Variants in NR3C2 observed in about 807,000 individuals in gnomAD.
The protein encoded by NR3C2 is nuclear receptor subfamily 3 group C member 2.
In NR3C2, 15 loss-of-function variants were observed where a neutral mutation model predicts 86.4. The ratio of observed to expected loss-of-function variants is 0.17; its 90% CI spans 0.12 to 0.27. The LOEUF (loss-of-function observed/expected upper bound fraction) is 0.27, where lower values mean the gene tolerates loss of function less well. NR3C2 is among the 10% of genes least tolerant of loss of function. NR3C2 has a pLI of 1.00. For synonymous variants in NR3C2, 458 were observed against 450.5 expected (o/e 1.02, Z -0.21); for missense variants, 960 against 1,195.6 (o/e 0.80, Z 2.91).
chr4:148,237,136 C>G (rs1452737074), intron 3 of NR3C2, among the ~76,000 whole-genome samples: 1 of 152,264 alleles, frequency 6.6e-6, no homozygotes, highest in African/African-American at 2.4e-5. Context: ...TACAATTCAT[C>G]AAATGAGAAT....
intron 6 of NR3C2, 67 bp downstream of exon 6, chr4:148,152,402 T>C (rs1578944832): frequency 1.3e-6 from 2 of 1,540,592 alleles, no homozygotes. Context: ...GTTTAGAAAT[T>C]ACTGAAAGAA....
At chr4:148,183,786 G>C (rs1263316289) in intron 4 of NR3C2, among the ~76,000 whole-genome samples, 1 of 152,132 alleles carries the variant, frequency 6.6e-6, no homozygotes, top group Non-Finnish European at 1.5e-5. Flanking sequence ...TTTGTGCCCT[G>C]TACTGTTGCA....
chr4:148,331,812 G>A (rs754162380), intron 2 of NR3C2, among the ~76,000 whole-genome samples: 1 of 152,138 alleles, frequency 6.6e-6, no homozygotes, highest in Non-Finnish European at 1.5e-5. Flanking sequence ...CACATACCAA[G>A]TACCATCTCT....
upstream of NR3C2, chr4:148,444,449 C>T: frequency 2.0e-6 from 2 of 986,174 alleles, no homozygotes; most frequent in Middle Eastern, 5.2e-4. Context: ...CGCAACCTGC[C>T]TTGCCCGGGG....
At position 148,435,154 on chromosome 4, in the gene NR3C2, T is replaced by C. The variant is rs1419391449; in HGVS notation, c.1707A>G (p.Arg569=). The part of the protein sequence containing the change: ...SWKSHGDLSS[R]RSDGYPVLEY... Reference sequence around the variant, plus strand: ...CTAAGACCGGATACCCATCACTTCTTCTAGACGACAGGTCGCCGTGTGATT... The same window carrying C: ...CTAAGACCGGATACCCATCACTTCTCCTAGACGACAGGTCGCCGTGTGATT... The change falls in exon 2 of 9, where the codon AGA becomes AGG. Residue 569 remains arginine (R), a synonymous_variant. Transcript: ENST00000358102. 6.2e-7 allele frequency: 1 copy of C among 1,614,210 alleles called. No homozygotes were observed.
intron 3 of NR3C2, among the ~76,000 whole-genome samples, chr4:148,210,523 G>C (rs1398330676): frequency 2.0e-5 from 3 of 152,136 alleles, no homozygotes; most frequent in African/African-American, 7.2e-5. Context: ...TCTCTCCAGT[G>C]GGCTCCAGAC....
chr4:148,281,003 C>T (rs563929122), intron 2 of NR3C2, among the ~76,000 whole-genome samples: 8 of 152,308 alleles, frequency 5.3e-5, no homozygotes, highest in African/African-American at 1.2e-4. Context: ...TCCCAGTCTC[C>T]GCTCCTTGGG....
At chr4:148,228,657 T>C (rs1318018021) in intron 3 of NR3C2, among the ~76,000 whole-genome samples, 1 of 152,224 alleles carries the variant, frequency 6.6e-6, no homozygotes, top group African/African-American at 2.4e-5. Flanking sequence ...AGTGGAGTTT[T>C]AAATTTTAAT....
chr4:148,400,764 G>A (rs1288328096), intron 2 of NR3C2, among the ~76,000 whole-genome samples: 7 of 120,134 alleles, frequency 5.8e-5, no homozygotes, highest in Non-Finnish European at 9.9e-5. Context: ...GGGCGACTGA[G>A]TGAGACTCCG....
chr4:148,225,059 G>A (rs1243988857), intron 3 of NR3C2, among the ~76,000 whole-genome samples: 1 of 152,128 alleles, frequency 6.6e-6, no homozygotes, highest in Admixed American at 6.6e-5. Context: ...TGTAAGAACT[G>A]GAACTTTAAA....
At chr4:148,302,093 T>C (rs1742367239) in intron 2 of NR3C2, among the ~76,000 whole-genome samples, 1 of 152,228 alleles carries the variant, frequency 6.6e-6, no homozygotes. Context: ...TCACAGATAA[T>C]TGTTGTCTTG....
intron 2 of NR3C2, chr4:148,368,283 T>C (rs1209512814): frequency 1.3e-5 from 2 of 152,164 alleles, no homozygotes; most frequent in African/African-American, 2.4e-5. Context: ...CTTTGTACAC[T>C]TGCGGTTTCA....
chr4:148,145,073 T>G (rs891607345), intron 6 of NR3C2, among the ~76,000 whole-genome samples: 2 of 152,150 alleles, frequency 1.3e-5, no homozygotes, highest in Non-Finnish European at 2.9e-5. Context: ...TGTCAGCCAG[T>G]GCCAGGGAAA....
intron 8 of NR3C2, among the ~76,000 whole-genome samples, chr4:148,093,849 T>G (rs1167540379): frequency 6.6e-6 from 1 of 152,060 alleles, no homozygotes; most frequent in African/African-American, 2.4e-5. Flanking sequence ...TAAATACAAG[T>G]AGATCAAAAT....
At chr4:148,415,084 ACTC>A (rs968922786) in intron 2 of NR3C2, among the ~76,000 whole-genome samples, 5 of 152,212 alleles carry the variant, frequency 3.3e-5, no homozygotes, top group Admixed American at 2.0e-4. Context: ...AATAAATAAA[ACTC>A]CTCCTATTTA....
At chr4:148,326,506 G>A (rs1743979539) in intron 2 of NR3C2, among the ~76,000 whole-genome samples, 1 of 152,152 alleles carries the variant, frequency 6.6e-6, no homozygotes, top group South Asian at 2.1e-4. Context: ...AGTGTTCCAA[G>A]GTGAGAGCTT....
At chr4:148,331,069 T>A (rs1744209709) in intron 2 of NR3C2, among the ~76,000 whole-genome samples, 1 of 152,204 alleles carries the variant, frequency 6.6e-6, no homozygotes, top group Non-Finnish European at 1.5e-5. Context: ...CAAGTATTCC[T>A]TTATAATAAT....
At chr4:148,392,792 C>T (rs1015843950) in intron 2 of NR3C2, among the ~76,000 whole-genome samples, 8 of 152,234 alleles carry the variant, frequency 5.3e-5, no homozygotes, top group African/African-American at 1.4e-4. Flanking sequence ...TGTACATCTG[C>T]GAAAATACAT....
intron 7 of NR3C2, among the ~76,000 whole-genome samples, chr4:148,116,133 T>C (rs1732263262): frequency 6.6e-6 from 1 of 152,208 alleles, no homozygotes; most frequent in South Asian, 2.1e-4. Flanking sequence ...CATCACCCTA[T>C]ACATGAAAAG....
Sources: allele counts gnomAD v4.1 joint callset (sites outside exome capture counted in the v4.1 genomes callset), GRCh38; gene constraint gnomAD v4.1.1; transcripts MANE v1.5; gene names NCBI Gene and HGNC (gene_info 2026-07-23, HGNC 2026-07-21).